The following ATP6V0A2 variants were observed in gnomAD, a reference collection of about 807,000 sequenced individuals.
The protein encoded by ATP6V0A2 is V-type proton ATPase 116 kDa subunit a 2.
Under a neutral mutation model 104.4 loss-of-function variants are expected in ATP6V0A2, and 58 were observed. That is an observed-to-expected ratio of 0.56 (90% CI 0.45 to 0.69). The LOEUF is 0.69. Among genes scored for constraint, ATP6V0A2 ranks in the 30% least tolerant of loss-of-function variants. The pLI is 0.00. For synonymous variants in ATP6V0A2, 376 were observed against 397.9 expected, an observed-to-expected ratio of 0.95 and a Z score of 0.65; for missense variants, 938 against 1,062.9, an observed-to-expected ratio of 0.88 and a Z score of 1.63.
At chr12:123,746,639 TAAAAAAAAAAAA>T (rs760374381) in intron 13 of ATP6V0A2, among the ~76,000 whole-genome samples, 1 of 83,604 alleles carries the variant, frequency 1.2e-5, no homozygotes, top group Non-Finnish European at 2.3e-5. Context: ...CCCCTTACCT[TAAAAAAAAAAAA>T]AAAAAAAAAA....
chr12:123,728,624 G>A (rs951995593), intron 6 of ATP6V0A2, among the ~76,000 whole-genome samples: 3 of 152,134 alleles, frequency 2.0e-5, no homozygotes, highest in African/African-American at 7.2e-5. Context: ...AATACTGCAA[G>A]TTTTTTTGGT....
chr12:123,736,591 AC>A (rs1333736744), intron 8 of ATP6V0A2, among the ~76,000 whole-genome samples: 1 of 152,184 alleles, frequency 6.6e-6, no homozygotes, highest in Non-Finnish European at 1.5e-5. Context: ...TCTCTTGATG[AC>A]AGTGAGGGTT....
At chr12:123,747,374 G>T (rs1349974911) in intron 13 of ATP6V0A2, among the ~76,000 whole-genome samples, 2 of 152,146 alleles carry the variant, frequency 1.3e-5, no homozygotes, top group African/African-American at 4.8e-5. Context: ...ACGCTATGTG[G>T]TTCCATCTGG....
At chr12:123,718,146 A>G (rs1956362487) in intron 1 of ATP6V0A2, among the ~76,000 whole-genome samples, 1 of 151,576 alleles carries the variant, frequency 6.6e-6, no homozygotes, top group Admixed American at 6.6e-5. Context: ...TTGGAGTGCA[A>G]ATGGCACGAT....
chr12:123,734,366 T>G (rs928100339), intron 7 of ATP6V0A2, among the ~76,000 whole-genome samples: 1 of 152,168 alleles, frequency 6.6e-6, no homozygotes, highest in Non-Finnish European at 1.5e-5. Context: ...GCATCTCTTC[T>G]GTCCTGGGTA....
Position 123,722,401 on chromosome 12 carries a change from G to C in ATP6V0A2, c.247G>C (p.Glu83Gln). 6.2e-7 allele frequency: 1 copy of C among 1,613,518 alleles called. No individual in the cohort carries two copies. The highest frequency in any genetic ancestry group is 8.5e-7 in the Non-Finnish European group (1 of 1,179,436). ...NRADIPLPEG[E>Q]ASPPAPPLKQ... The stretch of plus-strand genomic sequence containing the variant: ...AGCTGATATTCCCCTTCCTGAAGGA[G>C]AGGCCAGCCCTCCTGCGCCACCCCT... The change falls in exon 3 of 20, where the codon GAG (glutamate) becomes CAG (glutamine). Residue 83 changes from glutamate (E) to glutamine (Q), a missense_variant. Coordinates refer to ENST00000330342, the MANE Select transcript of ATP6V0A2 (RefSeq NM_012463.4).
At chr12:123,739,781 A>G (rs1173852194) in intron 9 of ATP6V0A2, among the ~76,000 whole-genome samples, 1 of 151,930 alleles carries the variant, frequency 6.6e-6, no homozygotes, top group Non-Finnish European at 1.5e-5. Context: ...TTCTGGGCTC[A>G]TTTTTTTCCC....
chr12:123,735,776 C>A, intron 8 of ATP6V0A2, 152 bp downstream of exon 8: 1 of 750,416 alleles, frequency 1.3e-6, no homozygotes. Flanking sequence ...CCCTCCTCCC[C>A]ATGGAAGTTT....
Position 123,758,132 on chromosome 12 carries a change from A to G in ATP6V0A2, c.*100A>G. On this transcript the variant is annotated 3_prime_UTR_variant, in exon 20 of 20. Coordinates refer to ENST00000330342, the MANE Select transcript of ATP6V0A2 (RefSeq NM_012463.4). Reference sequence around the variant, plus strand: ...TTATGATAGGAAAAATTCCATCTTCATTACTGCCTTATGACATAGCCAAAT... The same window carrying G: ...TTATGATAGGAAAAATTCCATCTTCGTTACTGCCTTATGACATAGCCAAAT... 4.9e-6 allele frequency: 4 copies of G among 822,960 alleles called. No individual in the cohort carries two copies. The highest frequency in any genetic ancestry group is 2.2e-4 in the Middle Eastern group (1 of 4,538). The allele number at this position is 822,960 out of a possible 1,614,324, so 51.0% of individuals were successfully genotyped here.
chr12:123,732,881 A>G (rs898475491), intron 6 of ATP6V0A2: 1 of 152,092 alleles, frequency 6.6e-6, no homozygotes, highest in Non-Finnish European at 1.5e-5. Flanking sequence ...CTCCCAGGTC[A>G]GGGATTTTTG....
Position 123,724,702 on chromosome 12 carries a change from A to G in ATP6V0A2, c.343A>G (p.Lys115Glu). ...TGAACTGAGAGAAGTCACTAAGAAC[A>G]AGGAGAAACTGAGGAAAAACTTGCT... ...EVELREVTKN[K>E]EKLRKNLLEL... is the part of the protein sequence containing the mutation. Residue 115 changes from lysine (K) to glutamate (E), a missense_variant, in exon 4 of 20, where the codon AAG becomes GAG. Coordinates refer to ENST00000330342, the MANE Select transcript of ATP6V0A2 (RefSeq NM_012463.4). 1 of 1,613,902 alleles carries G rather than the reference A, an allele frequency of 6.2e-7. No homozygotes were observed. The highest frequency in any genetic ancestry group is 8.5e-7 in the Non-Finnish European group (1 of 1,179,880).
chr12:123,755,057 C>T (rs1956750218), intron 18 of ATP6V0A2, among the ~76,000 whole-genome samples: 1 of 152,198 alleles, frequency 6.6e-6, no homozygotes, highest in South Asian at 2.1e-4. Flanking sequence ...TCCCCAGCAG[C>T]ATGGTTCCCA....
chr12:123,737,156 T>TC lies in ATP6V0A2; in HGVS notation c.924dup (p.Tyr309LeufsTer10), dbSNP rs1468285027. ...ATCCAGGTGAAGAAAATGAAGGCCA[T>TC]CTATCACATGCTGAACATGTGCAGC... On this transcript the variant is annotated frameshift_variant, in exon 9 of 20. Coordinates refer to ENST00000330342, the MANE Select transcript of ATP6V0A2 (RefSeq NM_012463.4). LOFTEE classifies it high-confidence loss of function. 2.5e-6 allele frequency: 4 copies of TC among 1,614,058 alleles called. No individual in the cohort carries two copies. The highest frequency in any genetic ancestry group is 3.4e-6 in the Non-Finnish European group (4 of 1,180,030).
chr12:123,735,463 C>T (rs905064139), intron 7 of ATP6V0A2, 68 bp from the exon 8 acceptor site: 101 of 1,431,170 alleles, frequency 7.1e-5, no homozygotes, highest in Non-Finnish European at 9.5e-5. Context: ...GAAGATGTGC[C>T]GGGGAGGTGA....
rs150408179 is a variant in ATP6V0A2 at position 123,758,223 on chromosome 12, T to C, written c.*191T>C. On this transcript the variant is annotated 3_prime_UTR_variant, in exon 20 of 20. Coordinates refer to ENST00000330342, the MANE Select transcript of ATP6V0A2 (RefSeq NM_012463.4). The stretch of plus-strand genomic sequence containing the variant: ...TTGTAAAGTTTACCAATTTGAGATA[T>C]AAAAATTTCTTTTGGTTTTTTATGA... 6.7e-3 allele frequency: 3,149 copies of C among 469,400 alleles called. 42 individuals carry two copies. Among genetic ancestry groups the C allele is most frequent in the Non-Finnish European group, 6.7e-3 (1,803 of 268,092 alleles). The allele number at this position is 469,400 out of a possible 1,614,324, so 29.1% of individuals were successfully genotyped here. A position where few individuals can be genotyped will look rare whatever the true frequency, so the allele number is the denominator to read the frequency against.
chr12:123,746,516 C>G (rs1262314975), intron 13 of ATP6V0A2, among the ~76,000 whole-genome samples: 1 of 151,352 alleles, frequency 6.6e-6, no homozygotes, highest in Non-Finnish European at 1.5e-5. Context: ...GTGGTGCGTG[C>G]CTGTGGTCCC....
rs541007683 is a variant in ATP6V0A2, at chr12:123,744,085, A to G, written c.1190-116A>G. ...ATAAGGTTTTAAATGTAACCACACA[A>G]TCCTATCTTGTGAATTCTGGAGAAA... On this transcript the variant is annotated intron_variant, in intron 10 of 19. Transcript: ENST00000330342. This position sits in a 1 kb window ranked among gnomAD's most constrained non-coding sequence, Gnocchi z 5.4. The G allele has an allele frequency of 2.8e-5, 43 of 1,548,260 alleles. 1 individual carries two copies. The highest frequency in any genetic ancestry group is 2.5e-4 in the Admixed American group (15 of 59,868).
chr12:123,755,125 C>T (rs962680575), intron 18 of ATP6V0A2, among the ~76,000 whole-genome samples: 6 of 152,158 alleles, frequency 3.9e-5, no homozygotes, highest in East Asian at 3.8e-4. Context: ...TACCAGCCTA[C>T]GTGCGGCAGG....
Position 123,744,234 on chromosome 12 carries a change from T to C in ATP6V0A2, c.1223T>C (p.Phe408Ser), listed in dbSNP as rs749773905. Residue 408 changes from phenylalanine (F) to serine (S), a missense_variant, in exon 11 of 20, where the codon TTT (phenylalanine) becomes TCT (serine). Coordinates refer to ENST00000330342, the MANE Select transcript of ATP6V0A2 (RefSeq NM_012463.4). The surrounding 1 kb of genome is among the most constrained non-coding windows in gnomAD (Gnocchi z 5.4). ...ACCATCATCACCTTCCCGTTTTTAT[T>C]TGCTGTGATGTTTGGAGACTTCGGA... ...LFTIITFPFL[F>S]AVMFGDFGHG... 18 of 1,614,102 alleles carry C rather than the reference T, an allele frequency of 1.1e-5. No homozygotes were observed. The highest frequency in any genetic ancestry group is 1.4e-5 in the Non-Finnish European group (16 of 1,180,040).
Sources: gnomAD v4.1 joint callset for allele counts (sites outside exome capture counted in the v4.1 genomes callset) on GRCh38, gnomAD v4.1.1 for gene constraint, Gnocchi (gnomAD v3.1) non-coding constraint, MANE v1.5 for transcripts, NCBI Gene and HGNC (gene_info 2026-07-23, HGNC 2026-07-21) for gene names.